SLC25A26: variants seen among roughly 807,000 people sequenced by gnomAD.
The protein encoded by SLC25A26 is mitochondrial S-adenosylmethionine carrier protein.
In SLC25A26, 36 loss-of-function variants were observed where a neutral mutation model predicts 37.8. That is an observed-to-expected ratio of 0.95 (90% CI 0.73 to 1.26). SLC25A26 has a LOEUF of 1.26. Among genes scored for constraint, SLC25A26 ranks in the 50% most tolerant of loss-of-function variants. The pLI is 0.00. For synonymous variants in SLC25A26, 129 were observed against 122.5 expected, an observed-to-expected ratio of 1.05 and a Z score of -0.35; for missense variants, 390 against 331.1, an observed-to-expected ratio of 1.18 and a Z score of -1.38.
chr3:66,188,080 T>C (rs1053448865), intron 1 of SLC25A26, among the ~76,000 whole-genome samples: 157 of 152,182 alleles, frequency 1.0e-3, no homozygotes, highest in African/African-American at 3.6e-3. Context: ...ACACTGAACG[T>C]CACTCTAATC....
intron 5 of SLC25A26, among the ~76,000 whole-genome samples, chr3:66,332,414 CAATT>C (rs1434880774): frequency 1.3e-5 from 2 of 152,104 alleles, no homozygotes; most frequent in African/African-American, 2.4e-5. Flanking sequence ...GTTGCTATAA[CAATT>C]AATAGTACTC....
At chr3:66,228,402 C>T (rs575776344) in intron 1 of SLC25A26, among the ~76,000 whole-genome samples, 10 of 152,304 alleles carry the variant, frequency 6.6e-5, no homozygotes, top group African/African-American at 2.2e-4. Context: ...CCTACTACTA[C>T]ATGTTGAAAG....
intron 1 of SLC25A26, among the ~76,000 whole-genome samples, chr3:66,200,016 A>G (rs2071089003): frequency 6.6e-6 from 1 of 152,256 alleles, no homozygotes; most frequent in Non-Finnish European, 1.5e-5. Flanking sequence ...TTTCAGAATT[A>G]TGGACATTTA....
intron 5 of SLC25A26, among the ~76,000 whole-genome samples, chr3:66,276,265 T>C (rs1243355765): frequency 6.6e-6 from 1 of 152,110 alleles, no homozygotes; most frequent in East Asian, 1.9e-4. Flanking sequence ...AATTAAGTAA[T>C]ACAACTAGGA....
intron 1 of SLC25A26, among the ~76,000 whole-genome samples, chr3:66,202,859 C>G (rs1559574749): frequency 6.6e-6 from 1 of 152,174 alleles, no homozygotes; most frequent in Non-Finnish European, 1.5e-5. Context: ...ATCACTCAGT[C>G]TTGAAAAATT....
At chr3:66,325,751 C>T (rs975781389) in intron 5 of SLC25A26, among the ~76,000 whole-genome samples, 9 of 152,134 alleles carry the variant, frequency 5.9e-5, no homozygotes, top group Admixed American at 3.3e-4. Flanking sequence ...AATGAGCCAG[C>T]GCATGCAGGG....
intron 1 of SLC25A26, among the ~76,000 whole-genome samples, chr3:66,214,064 C>T (rs970834914): frequency 2.6e-5 from 4 of 152,080 alleles, no homozygotes; most frequent in Non-Finnish European, 5.9e-5. Context: ...GATGTTTGTC[C>T]CTTCCCAATC....
chr3:66,304,606 G>T, intron 5 of SLC25A26: 1 of 346,220 alleles, frequency 2.9e-6, no homozygotes, highest in Non-Finnish European at 5.8e-6. Flanking sequence ...GTTCACTGGT[G>T]CTTTCAGGAA....
At chr3:66,362,787 G>T in intron 6 of SLC25A26, 73 bp from the exon 7 acceptor site, 2 of 1,025,752 alleles carry the variant, frequency 1.9e-6, no homozygotes, top group South Asian at 3.6e-5. Flanking sequence ...CCCATCCCCA[G>T]AGCTAACCCA....
At chr3:66,221,275 G>A in intron 1 of SLC25A26, 148 bp downstream of exon 1, 2 of 836,436 alleles carry the variant, frequency 2.4e-6, no homozygotes, top group Non-Finnish European at 1.8e-6. Flanking sequence ...GGAGCACGAG[G>A]CTCCCAGGCC....
intron 1 of SLC25A26, among the ~76,000 whole-genome samples, chr3:66,211,897 G>A (rs1313382596): frequency 6.6e-6 from 1 of 152,128 alleles, no homozygotes; most frequent in African/African-American, 2.4e-5. Context: ...ATGTACATGA[G>A]CAACCATCAC....
intron 6 of SLC25A26, among the ~76,000 whole-genome samples, chr3:66,347,242 T>C (rs898232219): frequency 1.3e-5 from 2 of 151,894 alleles, no homozygotes; most frequent in African/African-American, 4.8e-5. Context: ...AGGTCTAATA[T>C]CCAGAGTCCA....
chr3:66,221,276 C>T lies in SLC25A26; in HGVS notation c.33+149C>T, dbSNP rs2071479442. ...GCCAGGTCTGAGAGGGAGCACGAGG[C>T]TCCCAGGCCACCGGCGGGCCAGGTG... On this transcript the variant is annotated intron_variant, in intron 1 of 9. Coordinates refer to ENST00000354883, the MANE Select transcript of SLC25A26 (RefSeq NM_001379210.1). 12 of 826,486 alleles carry T rather than the reference C, an allele frequency of 1.5e-5. No homozygotes were observed. The South Asian group carries it at 2.0e-4, about 14-fold the overall frequency. The allele number at this position is 826,486 out of a possible 1,614,324, so 51.2% of individuals were successfully genotyped here. A position where few individuals can be genotyped will look rare whatever the true frequency, so the allele number is the denominator to read the frequency against.
At chr3:66,345,900 A>G (rs889803311) in intron 5 of SLC25A26, among the ~76,000 whole-genome samples, 3 of 152,216 alleles carry the variant, frequency 2.0e-5, no homozygotes, top group Non-Finnish European at 2.9e-5. Context: ...GGGCTCAAAA[A>G]CTCAGAAGAT....
intron 1 of SLC25A26, among the ~76,000 whole-genome samples, chr3:66,145,728 T>G (rs1242933231): frequency 6.6e-6 from 1 of 152,230 alleles, no homozygotes; most frequent in Non-Finnish European, 1.5e-5. Context: ...CTTATTTCAA[T>G]TTTCTTTTTT....
chr3:66,144,569 C>A (rs2070086571), intron 1 of SLC25A26, among the ~76,000 whole-genome samples: 1 of 152,000 alleles, frequency 6.6e-6, no homozygotes. Flanking sequence ...GTGTGGAGTA[C>A]AATTTGGTAC....
At chr3:66,139,940 A>T (rs561246147) in intron 1 of SLC25A26, among the ~76,000 whole-genome samples, 1 of 152,324 alleles carries the variant, frequency 6.6e-6, no homozygotes, top group South Asian at 2.1e-4. Context: ...TTTGCTATTG[A>T]TCCTTCTCAA....
chr3:66,170,353 A>C lies in SLC25A26; in HGVS notation c.-354+36369A>C, dbSNP rs193201377. Among the ~76,000 whole-genome samples the C allele has an allele frequency of 4.6e-4, 70 of 152,332 alleles. No individual in the cohort carries two copies. The East Asian group carries it at 6.6e-3, about 14-fold the overall frequency. On this transcript the variant is annotated intron_variant, in intron 1 of 10. Coordinates refer to the SLC25A26 transcript ENST00000676754. ...CTGTAGATGCCTAAGATTTCAGAGT[A>C]TGGAATCAGATAGATTTCTATTTGA... is the stretch of plus-strand genomic sequence containing the variant.
At chr3:66,274,059 T>C (rs1231634049) in intron 5 of SLC25A26, among the ~76,000 whole-genome samples, 1 of 152,066 alleles carries the variant, frequency 6.6e-6, no homozygotes, top group Non-Finnish European at 1.5e-5. Context: ...GAGATATAGA[T>C]CAGTGGAACA....
Sources: allele counts gnomAD v4.1 joint callset (sites outside exome capture counted in the v4.1 genomes callset), GRCh38; gene constraint gnomAD v4.1.1; transcripts MANE v1.5; gene names NCBI Gene and HGNC (gene_info 2026-07-23, HGNC 2026-07-21).